The following CNTNAP2 variants were observed in gnomAD, a reference collection of about 807,000 sequenced individuals.
CNTNAP2 encodes contactin associated protein 2, also known as contactin-associated protein-like 2.
A neutral mutation model predicts 155.2 loss-of-function variants in CNTNAP2; 98 were observed. The ratio of observed to expected loss-of-function variants is 0.63; its 90% confidence interval spans 0.54 to 0.75. The LOEUF (loss-of-function observed/expected upper bound fraction) is 0.75, where lower values mean the gene tolerates loss of function less well. CNTNAP2 is among the 30% of genes least tolerant of loss of function. The probability of loss-of-function intolerance (pLI) is 0.00; values close to 1 mark genes in which losing one functional copy is unlikely to be tolerated. For missense variants in CNTNAP2, 1,727 were observed against 1,688.1 expected, an observed-to-expected ratio of 1.02 and a Z score of -0.40; for synonymous variants, 651 against 631.2, an observed-to-expected ratio of 1.03 and a Z score of -0.47.
intron 1 of CNTNAP2, among the ~76,000 whole-genome samples, chr7:146,569,444 G>A (rs1051117789): frequency 1.3e-5 from 2 of 152,156 alleles, no homozygotes; most frequent in African/African-American, 4.8e-5. Flanking sequence ...ACTTTATCTT[G>A]AGTGAAAAGA....
intron 13 of CNTNAP2, among the ~76,000 whole-genome samples, chr7:147,831,366 A>G (rs542378735): frequency 1.3e-5 from 2 of 152,340 alleles, no homozygotes; most frequent in African/African-American, 4.8e-5. Flanking sequence ...AAGACACAGA[A>G]ATGAACAGAA....
chr7:146,263,593 T>C (rs957525356), intron 1 of CNTNAP2, among the ~76,000 whole-genome samples: 1 of 152,204 alleles, frequency 6.6e-6, no homozygotes. Context: ...ACTATTTAGA[T>C]AAAAATTTAC....
intron 8 of CNTNAP2, among the ~76,000 whole-genome samples, chr7:147,203,285 C>T (rs1291870656): frequency 6.6e-6 from 1 of 152,070 alleles, no homozygotes; most frequent in Non-Finnish European, 1.5e-5. Flanking sequence ...CACTCTGTTG[C>T]CCTGGCTGGA....
At chr7:147,783,879 C>T (rs151271185) in intron 13 of CNTNAP2, among the ~76,000 whole-genome samples, 1 of 152,186 alleles carries the variant, frequency 6.6e-6, no homozygotes, top group Non-Finnish European at 1.5e-5. Context: ...AACTTCCCAG[C>T]CTCCAAAACT....
At chr7:147,620,374 T>A (rs1411326490) in intron 12 of CNTNAP2, among the ~76,000 whole-genome samples, 1 of 152,176 alleles carries the variant, frequency 6.6e-6, no homozygotes, top group Non-Finnish European at 1.5e-5. Flanking sequence ...CAGAGATATG[T>A]GACTTTTCAG....
At chr7:146,569,170 C>T (rs112088567) in intron 1 of CNTNAP2, among the ~76,000 whole-genome samples, 2 of 152,226 alleles carry the variant, frequency 1.3e-5, no homozygotes, top group African/African-American at 4.8e-5. Context: ...GCGCCCACCA[C>T]CACGCCCGGC....
intron 13 of CNTNAP2, among the ~76,000 whole-genome samples, chr7:147,790,787 T>TA (rs1797808233): frequency 1.3e-5 from 2 of 152,056 alleles, no homozygotes; most frequent in Non-Finnish European, 2.9e-5. Context: ...GTTTGTTGGG[T>TA]AATATAAACC....
intron 12 of CNTNAP2, among the ~76,000 whole-genome samples, chr7:147,607,359 G>A (rs1281480648): frequency 6.6e-6 from 1 of 151,928 alleles, no homozygotes; most frequent in East Asian, 1.9e-4. Flanking sequence ...TGTTTTGTGA[G>A]GCCCAACATT....
chr7:147,920,119 G>A (rs1800245302), intron 14 of CNTNAP2, among the ~76,000 whole-genome samples: 1 of 151,712 alleles, frequency 6.6e-6, no homozygotes. Flanking sequence ...AGCACTTTGG[G>A]AGGCCGAGGC....
At chr7:147,836,199 T>A (rs1293606749) in intron 13 of CNTNAP2, among the ~76,000 whole-genome samples, 1 of 152,206 alleles carries the variant, frequency 6.6e-6, no homozygotes, top group Non-Finnish European at 1.5e-5. Flanking sequence ...ATAGCTCAAA[T>A]AACAGTACTT....
intron 13 of CNTNAP2, among the ~76,000 whole-genome samples, chr7:147,848,564 A>G (rs1177006): frequency 0.67 from 98,853 of 147,146 alleles, 32,997 homozygotes; most frequent in Middle Eastern, 0.79. Context: ...CTTCTGCGTC[A>G]CTCACGCTGG....
intron 2 of CNTNAP2, among the ~76,000 whole-genome samples, chr7:146,832,000 G>C (rs1469841021): frequency 6.6e-6 from 1 of 152,028 alleles, no homozygotes; most frequent in Non-Finnish European, 1.5e-5. Flanking sequence ...TCCTACTCTA[G>C]TTTATAACAG....
intron 1 of CNTNAP2, among the ~76,000 whole-genome samples, chr7:146,285,949 T>TTTCCTTCCTTCC (rs1344304459): frequency 1.2e-4 from 4 of 32,982 alleles, no homozygotes; most frequent in African/African-American, 7.0e-4. Flanking sequence ...CCCTCCCCCT[T>TTTCCTTCCTTCC]TTCCTTCCTT....
At chr7:146,770,417 G>A (rs1385024829) in intron 1 of CNTNAP2, among the ~76,000 whole-genome samples, 2 of 151,300 alleles carry the variant, frequency 1.3e-5, no homozygotes, top group Admixed American at 6.6e-5. Context: ...ATAAATAATC[G>A]TGATTAATGT....
intron 3 of CNTNAP2, among the ~76,000 whole-genome samples, chr7:146,980,418 T>C (rs1797992930): frequency 1.3e-5 from 2 of 152,164 alleles, no homozygotes; most frequent in Non-Finnish European, 2.9e-5. Flanking sequence ...AGCAGAACAG[T>C]CCAGGTAATC....
At chr7:147,963,518 C>T (rs1178670082) in intron 14 of CNTNAP2, among the ~76,000 whole-genome samples, 1 of 152,056 alleles carries the variant, frequency 6.6e-6, no homozygotes. Flanking sequence ...GAAAAGGGCG[C>T]AACATGTACA....
At chr7:146,625,202 C>T (rs1799398565) in intron 1 of CNTNAP2, among the ~76,000 whole-genome samples, 3 of 151,810 alleles carry the variant, frequency 2.0e-5, no homozygotes, top group Admixed American at 1.3e-4. Flanking sequence ...AAAGGAGACT[C>T]AGGGAGCAGC....
chr7:146,298,433 C>G (rs979152767), intron 1 of CNTNAP2, among the ~76,000 whole-genome samples: 4 of 152,018 alleles, frequency 2.6e-5, no homozygotes, highest in African/African-American at 9.7e-5. Flanking sequence ...AACTGCCCAC[C>G]CCCTGCAAAA....
chr7:148,085,694 C>CCCTTCCTTCCTT (rs370800555), intron 15 of CNTNAP2, among the ~76,000 whole-genome samples: 5,498 of 150,960 alleles, frequency 0.036, 179 homozygotes, highest in Admixed American at 0.1. Context: ...TTTTCTCTTT[C>CCCTTCCTTCCTT]CCTTCCTTCC....
Sources: allele counts gnomAD v4.1 joint callset (sites outside exome capture counted in the v4.1 genomes callset), GRCh38; gene constraint gnomAD v4.1.1; transcripts MANE v1.5; gene names NCBI Gene and HGNC (gene_info 2026-07-23, HGNC 2026-07-21).